Variants in KCNK9 observed in about 807,000 individuals in gnomAD.
KCNK9 encodes the protein potassium two pore domain channel subfamily K member 9.
A neutral mutation model predicts 10.8 loss-of-function variants in KCNK9; 1 was observed. The ratio of observed to expected loss-of-function variants is 0.09; its 90% CI spans 0.03 to 0.44. KCNK9 has a LOEUF of 0.44. Among genes scored for constraint, KCNK9 ranks in the 20% least tolerant of loss-of-function variants. The pLI is 0.97. For missense variants in KCNK9, 303 were observed against 515.0 expected (o/e 0.59, Z 3.98); for synonymous variants, 231 against 222.7 (o/e 1.04, Z -0.33).
At chr8:139,615,614 C>T (rs1053148817), downstream of KCNK9, among the ~76,000 whole-genome samples, 1 of 152,062 alleles carries the variant, frequency 6.6e-6, no homozygotes, top group African/African-American at 2.4e-5. Context: ...CTTTGAAAGA[C>T]TCAGTGACCA....
At chr8:139,604,063 C>T (rs905626596) in intron 2 of KCNK9, among the ~76,000 whole-genome samples, 2 of 152,140 alleles carry the variant, frequency 1.3e-5, no homozygotes, top group South Asian at 4.2e-4. Context: ...TCCTTCAGGG[C>T]CAGTGCAGGC....
chr8:139,656,400 T>C lies in KCNK9; in HGVS notation c.284-37301A>G, dbSNP rs537400406. ...CCTGCTGTCCAGATGCAGCAAGCTC[T>C]TACCACCTCTGGGTCTTCCCCACGC... On this transcript the variant is annotated intron_variant, in intron 1 of 1. Coordinates refer to ENST00000520439, the MANE Select transcript of KCNK9 (RefSeq NM_001282534.2). Among the ~76,000 whole-genome samples, 9 of 152,236 alleles carry C rather than the reference T, an allele frequency of 5.9e-5. No individual in the cohort carries two copies. The East Asian group carries it at 1.7e-3, about 29-fold the overall frequency.
chr8:139,666,488 T>C (rs926881645), intron 1 of KCNK9, among the ~76,000 whole-genome samples: 2 of 152,220 alleles, frequency 1.3e-5, no homozygotes, highest in African/African-American at 4.8e-5. Flanking sequence ...CATCCCCATT[T>C]TTATGGAGGA....
rs538428659 is a variant in KCNK9, at chr8:139,619,172, G to A, written c.284-73C>T. ...CTAGAGGTTGGGGGAAGGGAGGGTC[G>A]ACTTGGTGCAGTGCAGTGCAATGCA... On this transcript the variant is annotated intron_variant, in intron 1 of 1. Coordinates refer to ENST00000520439, the MANE Select transcript of KCNK9 (RefSeq NM_001282534.2). 104 of 1,557,680 alleles carry A rather than the reference G, an allele frequency of 6.7e-5. 1 individual carries two copies. In the African/African-American group the frequency reaches 1.2e-3, roughly 17 times the overall value.
Position 139,618,474 on chromosome 8 carries a change from G to A in KCNK9, c.909C>T (p.Arg303=). The change falls in exon 2 of 2, where the codon CGC becomes CGT. Residue 303 remains arginine (R), a synonymous_variant. Coordinates refer to ENST00000520439, the MANE Select transcript of KCNK9 (RefSeq NM_001282534.2). The surrounding 1 kb of genome is among the most constrained non-coding windows in gnomAD (Gnocchi z 7.9). ...CCGAGCGGCCGCCATAGTCCTGCGA[G>A]CGGTAGCAGGTGCAGGAGCACACAG... The part of the protein sequence containing the change: ...LQSVCSCTCY[R]SQDYGGRSVA... The A allele has an allele frequency of 1.2e-6, 2 of 1,613,998 alleles. No individual in the cohort carries two copies. Among genetic ancestry groups the A allele is most frequent in the East Asian group, 2.2e-5 (1 of 44,876 alleles).
At chr8:139,649,461 G>T (rs1815789334) in intron 1 of KCNK9, among the ~76,000 whole-genome samples, 1 of 152,178 alleles carries the variant, frequency 6.6e-6, no homozygotes, top group Non-Finnish European at 1.5e-5. Flanking sequence ...TCCAAGATGT[G>T]CCTTGCACAC....
At chr8:139,698,071 C>T (rs534678528) in intron 1 of KCNK9, among the ~76,000 whole-genome samples, 21 of 152,326 alleles carry the variant, frequency 1.4e-4, no homozygotes, top group Non-Finnish European at 2.2e-4. Context: ...GAAGGAAAAA[C>T]GCGATGGACT....
chr8:139,604,269 C>T (rs556492328), intron 2 of KCNK9, among the ~76,000 whole-genome samples: 3 of 152,314 alleles, frequency 2.0e-5, no homozygotes, highest in Admixed American at 2.0e-4. Context: ...CTGTCCTCTG[C>T]CCTGTGGGGC....
chr8:139,674,493 G>A (rs1816505041), intron 1 of KCNK9, among the ~76,000 whole-genome samples: 5 of 152,170 alleles, frequency 3.3e-5, no homozygotes, highest in Admixed American at 3.3e-4. Flanking sequence ...TGTGTCTCCT[G>A]CAACCTCTGT....
chr8:139,653,579 G>A (rs969273241), intron 1 of KCNK9, among the ~76,000 whole-genome samples: 1 of 151,354 alleles, frequency 6.6e-6, no homozygotes, highest in African/African-American at 2.4e-5. Context: ...TCATGGGAAT[G>A]TGAGCCCTGT....
At chr8:139,658,099 G>A (rs180739092) in intron 1 of KCNK9, among the ~76,000 whole-genome samples, 1 of 152,240 alleles carries the variant, frequency 6.6e-6, no homozygotes. Context: ...CACTCAGATG[G>A]ATCAAATCAG....
Position 139,695,428 on chromosome 8 carries a change from C to A in KCNK9, c.283+7282G>T, listed in dbSNP as rs556336726. On this transcript the variant is annotated intron_variant, in intron 1 of 1. Transcript: ENST00000520439. ...CAGGAGCCCAGGGCTATCCCCAAAT[C>A]CCTACAGGCTGTTACAGAACAGGAG... Among the ~76,000 whole-genome samples the A allele has an allele frequency of 5.9e-5, 9 of 152,342 alleles. No individual in the cohort carries two copies. In the South Asian group the frequency reaches 1.9e-3, roughly 32 times the overall value.
chr8:139,605,253 G>C (rs756522205), intron 2 of KCNK9, among the ~76,000 whole-genome samples: 2 of 152,286 alleles, frequency 1.3e-5, no homozygotes, highest in African/African-American at 4.8e-5. Flanking sequence ...CAGCAAATCC[G>C]GTCTCGGTTC....
At position 139,626,411 on chromosome 8, in the gene KCNK9, G is replaced by A. The variant is rs563098010; in HGVS notation, c.284-7312C>T. Among the ~76,000 whole-genome samples, 215 of 152,290 alleles carry A rather than the reference G, an allele frequency of 1.4e-3. 1 individual carries two copies. The highest frequency in any genetic ancestry group is 3.4e-3 in the Middle Eastern group (1 of 294). On this transcript the variant is annotated intron_variant, in intron 1 of 1. Coordinates refer to ENST00000520439, the MANE Select transcript of KCNK9 (RefSeq NM_001282534.2). ...CCAGGCCATTACCCCGCTTACCTGA[G>A]CCCTTGACCAGAAGCCATCAAGCTG...
intron 1 of KCNK9, among the ~76,000 whole-genome samples, chr8:139,625,431 A>T (rs1411784359): frequency 6.6e-6 from 1 of 151,958 alleles, no homozygotes; most frequent in East Asian, 1.9e-4. Context: ...AGCAGAGCCC[A>T]CTCCTGACTC....
intron 1 of KCNK9, among the ~76,000 whole-genome samples, chr8:139,645,544 G>T (rs1411516562): frequency 1.3e-5 from 2 of 152,176 alleles, no homozygotes; most frequent in African/African-American, 4.8e-5. Flanking sequence ...CTGCAGAAAG[G>T]TCTACAAGAC....
At chr8:139,655,055 G>C (rs1815982544) in intron 1 of KCNK9, among the ~76,000 whole-genome samples, 1 of 152,272 alleles carries the variant, frequency 6.6e-6, no homozygotes, top group Admixed American at 6.5e-5. Flanking sequence ...AGGTGGCAGA[G>C]CTAGAGATAA....
At chr8:139,681,978 A>T (rs926344570) in intron 1 of KCNK9, among the ~76,000 whole-genome samples, 4 of 152,174 alleles carry the variant, frequency 2.6e-5, no homozygotes, top group Non-Finnish European at 5.9e-5. Context: ...CGGTGGCACC[A>T]CGGGAACCAG....
At chr8:139,606,682 GCTGGGAATGGA>G (rs1814229695) in intron 2 of KCNK9, among the ~76,000 whole-genome samples, 1 of 152,156 alleles carries the variant, frequency 6.6e-6, no homozygotes, top group South Asian at 2.1e-4. Context: ...TTCTTGGCCT[GCTGGGAATGGA>G]CTGGAAGTTT....
Sources: allele counts gnomAD v4.1 joint callset (sites outside exome capture counted in the v4.1 genomes callset), GRCh38; gene constraint gnomAD v4.1.1; non-coding constraint Gnocchi (gnomAD v3.1); transcripts MANE v1.5; gene names NCBI Gene and HGNC (gene_info 2026-07-23, HGNC 2026-07-21).